The following GABRR3 variants were observed in gnomAD, a reference collection of about 807,000 sequenced individuals.
The protein encoded by GABRR3 is gamma-aminobutyric acid type A receptor subunit rho3, also known as gamma-aminobutyric acid receptor subunit rho-3.
Under a neutral mutation model 43.2 loss-of-function variants are expected in GABRR3, and 29 were observed. That is an observed-to-expected ratio of 0.67 (90% CI 0.50 to 0.92). GABRR3 has a LOEUF of 0.92. GABRR3 is among the 40% of genes least tolerant of loss of function. The probability of loss-of-function intolerance (pLI) is 0.00; values close to 1 mark genes in which losing one functional copy is unlikely to be tolerated. For missense variants in GABRR3, 576 were observed against 572.3 expected, an observed-to-expected ratio of 1.01 and a Z score of -0.07; for synonymous variants, 206 against 195.9, an observed-to-expected ratio of 1.05 and a Z score of -0.43.
intron 2 of GABRR3, among the ~76,000 whole-genome samples, chr3:98,032,150 TAC>T (rs1228080723): frequency 2.0e-5 from 3 of 151,884 alleles, no homozygotes; most frequent in Non-Finnish European, 4.4e-5. Context: ...ATTTCTACAA[TAC>T]AGTTACAATA....
At chr3:98,018,705 G>T (rs115520613) in intron 3 of GABRR3, among the ~76,000 whole-genome samples, 67 of 152,102 alleles carry the variant, frequency 4.4e-4, no homozygotes, top group African/African-American at 1.6e-3. Context: ...AGCCATTCTC[G>T]ATTAAACCTT....
intron 8 of GABRR3, among the ~76,000 whole-genome samples, chr3:97,994,455 C>T (rs887466124): frequency 1.3e-5 from 2 of 152,228 alleles, no homozygotes; most frequent in African/African-American, 4.8e-5. Flanking sequence ...CAGCTCTTAA[C>T]ATTGAACACA....
At chr3:98,000,172 T>G (rs1706621324) in intron 8 of GABRR3, 1 of 152,132 alleles carries the variant, frequency 6.6e-6, no homozygotes, top group African/African-American at 2.4e-5. Flanking sequence ...GCATAGCAAT[T>G]TCCTAACCCT....
rs372827864 is a variant in GABRR3, at chr3:98,034,847, A to G, written c.125+16T>C. The G allele has an allele frequency of 2.5e-6, 4 of 1,612,534 alleles. No homozygotes were observed. The African/African-American group carries it at 4.0e-5, about 16-fold the overall frequency. ...ACTGGGCAGTAATTCCATGGACTGC[A>G]CTATGAGCATCTTACCAGGTTTGTT... is the stretch of plus-strand genomic sequence containing the variant. On this transcript the variant is annotated intron_variant, in intron 2 of 9. Coordinates refer to ENST00000621172, the Ensembl canonical transcript of GABRR3.
chr3:98,029,057 T>C (rs1707056071), intron 2 of GABRR3, among the ~76,000 whole-genome samples: 1 of 152,130 alleles, frequency 6.6e-6, no homozygotes, highest in African/African-American at 2.4e-5. Flanking sequence ...GTTTAGCCGC[T>C]ACTGAGAAGA....
In GABRR3 at chr3:98,017,637, T is replaced by A. The variant is rs778671207; in HGVS notation, c.306+18A>T. 3 of 1,587,864 alleles carry A rather than the reference T, an allele frequency of 1.9e-6. No individual in the cohort carries two copies. Among genetic ancestry groups the A allele is most frequent in the Non-Finnish European group, 2.6e-6 (3 of 1,160,846 alleles). ...CTGTCTTTTCAGAAAAAGAGCAATA[T>A]CCCATGAAGAAACTTACCATGTTAG... is the stretch of plus-strand genomic sequence containing the variant. On this transcript the variant is annotated intron_variant, in intron 4 of 9. Transcript: ENST00000621172.
intron 5 of GABRR3, among the ~76,000 whole-genome samples, chr3:98,009,797 G>A (rs911888185): frequency 2.6e-5 from 4 of 152,204 alleles, no homozygotes; most frequent in African/African-American, 9.6e-5. Context: ...GAGTTAACCA[G>A]AGGAGTAGGG....
chr3:97,998,879 G>A (rs1706595426), intron 8 of GABRR3: 1 of 152,036 alleles, frequency 6.6e-6, no homozygotes, highest in African/African-American at 2.4e-5. Flanking sequence ...CTAGTTTTAA[G>A]TGAATTAATA....
intron 4 of GABRR3, among the ~76,000 whole-genome samples, chr3:98,014,353 C>A (rs545176799): frequency 2.6e-5 from 4 of 151,982 alleles, no homozygotes; most frequent in Admixed American, 6.6e-5. Flanking sequence ...GGGGAAGTAT[C>A]ATTCAGAAAT....
At chr3:97,995,127 C>A (rs1483883918) in intron 8 of GABRR3, among the ~76,000 whole-genome samples, 1 of 152,022 alleles carries the variant, frequency 6.6e-6, no homozygotes, top group Non-Finnish European at 1.5e-5. Context: ...TACAGGCATG[C>A]ACCACCACCT....
Position 98,012,587 on chromosome 3 carries a change from G to T in GABRR3, c.307-20C>A. Reference sequence around the variant, plus strand: ...AAAGTCCTAGACAGAGAGAAAAAGAGACCAAAAAAACCAGTAGGAATATGG... The same window carrying T: ...AAAGTCCTAGACAGAGAGAAAAAGATACCAAAAAAACCAGTAGGAATATGG... On this transcript the variant is annotated intron_variant, in intron 4 of 9. Transcript: ENST00000621172. The T allele has an allele frequency of 6.5e-7, 1 of 1,538,632 alleles. No homozygotes were observed. The highest frequency in any genetic ancestry group is 1.1e-5 in the South Asian group (1 of 88,014).
intron 7 of GABRR3, among the ~76,000 whole-genome samples, chr3:98,004,296 T>C (rs1225436116): frequency 1.3e-5 from 2 of 152,200 alleles, no homozygotes; most frequent in Non-Finnish European, 2.9e-5. Context: ...GGTACTTAAC[T>C]ATATGACATC....
chr3:98,006,734 A>G (rs941392086), intron 7 of GABRR3, among the ~76,000 whole-genome samples: 3 of 152,204 alleles, frequency 2.0e-5, no homozygotes, highest in Non-Finnish European at 2.9e-5. Context: ...GCCTAAAATA[A>G]CCCAGAATAT....
intron 3 of GABRR3, among the ~76,000 whole-genome samples, chr3:98,019,751 AATTTTGTTCACCACGTT>A (rs1476515036): frequency 2.0e-5 from 3 of 152,008 alleles, no homozygotes; most frequent in Admixed American, 6.6e-5. Context: ...ATGCCCAGCT[AATTTTGTTCACCACGTT>A]GGCTAGGCTG....
At chr3:97,992,886 A>G (rs1181898937) in exon 9 of GABRR3, 1 of 1,611,750 alleles carries the variant, frequency 6.2e-7, no homozygotes, top group African/African-American at 1.3e-5. Context: ...CCGCTCTTCC[A>G]CTGTGGTGAG....
At position 98,012,769 on chromosome 3, in the gene GABRR3, G is replaced by A. The variant is rs1481971093; in HGVS notation, c.307-202C>T. 8.5e-5 allele frequency among the ~76,000 whole-genome samples: 13 copies of A among 152,112 alleles called. 1 individual carries two copies. The South Asian group carries it at 2.1e-3, about 24-fold the overall frequency. ...CTCCTTCACATGGAGCCTAGTGAAC[G>A]TTGAGAATTTCTGGGAGTTATAATA... On this transcript the variant is annotated intron_variant, in intron 4 of 9. Coordinates refer to ENST00000621172, the Ensembl canonical transcript of GABRR3.
intron 2 of GABRR3, among the ~76,000 whole-genome samples, chr3:98,033,595 C>T (rs1707118062): frequency 6.6e-6 from 1 of 152,080 alleles, no homozygotes; most frequent in African/African-American, 2.4e-5. Context: ...CCAGACTGTA[C>T]AAGTCTACTC....
chr3:98,030,651 T>A (rs148614793), intron 2 of GABRR3, among the ~76,000 whole-genome samples: 2 of 152,296 alleles, frequency 1.3e-5, no homozygotes, highest in Admixed American at 1.3e-4. Flanking sequence ...CCATTTATAA[T>A]CCTTTCCAAA....
At chr3:98,017,228 G>A (rs1477002972) in intron 4 of GABRR3, among the ~76,000 whole-genome samples, 1 of 152,114 alleles carries the variant, frequency 6.6e-6, no homozygotes, top group Non-Finnish European at 1.5e-5. Flanking sequence ...CTACAGATAA[G>A]CAAAATTAAT....
Sources: allele counts gnomAD v4.1 joint callset (sites outside exome capture counted in the v4.1 genomes callset), GRCh38; gene constraint gnomAD v4.1.1; transcripts MANE v1.5; gene names NCBI Gene and HGNC (gene_info 2026-07-23, HGNC 2026-07-21).